Variants in AKIRIN2 observed in about 807,000 individuals in gnomAD.
AKIRIN2 encodes the protein akirin 2.
A neutral mutation model predicts 29.3 loss-of-function variants in AKIRIN2; 6 were observed. The observed-to-expected ratio is 0.20, with a 90% CI of 0.11 to 0.40. The LOEUF is 0.40. AKIRIN2 is among the 10% of genes least tolerant of loss of function. The pLI, the probability that AKIRIN2 is intolerant of heterozygous loss-of-function variation, is 1.00. For missense variants in AKIRIN2, 210 were observed against 276.1 expected (o/e 0.76, Z 1.70); for synonymous variants, 128 against 117.5 (o/e 1.09, Z -0.58).
At chr6:87,697,085 G>A (rs904071915) in intron 1 of AKIRIN2, among the ~76,000 whole-genome samples, 3 of 151,150 alleles carry the variant, frequency 2.0e-5, no homozygotes, top group African/African-American at 4.9e-5. Flanking sequence ...AAGGCAGTTG[G>A]ACCACCTGAA....
At chr6:87,681,833 A>G in intron 1 of AKIRIN2, 70 bp from the exon 2 acceptor site, 1 of 1,315,256 alleles carries the variant, frequency 7.6e-7, no homozygotes. Context: ...GCTTTCCAAC[A>G]TTATTTAGTA....
At chr6:87,698,270 C>T (rs904472110) in intron 1 of AKIRIN2, among the ~76,000 whole-genome samples, 3 of 151,668 alleles carry the variant, frequency 2.0e-5, no homozygotes, top group African/African-American at 7.3e-5. Flanking sequence ...GGTAAGCAAA[C>T]TTTTTCTGTA....
intron 1 of AKIRIN2, among the ~76,000 whole-genome samples, chr6:87,691,768 G>C (rs1031104910): frequency 1.3e-5 from 2 of 152,184 alleles, no homozygotes; most frequent in African/African-American, 4.8e-5. Flanking sequence ...TCAAATAAGA[G>C]GAGGACTGAT....
intron 1 of AKIRIN2, among the ~76,000 whole-genome samples, chr6:87,698,898 A>G (rs1026234409): frequency 3.3e-5 from 5 of 152,254 alleles, no homozygotes; most frequent in Middle Eastern, 3.2e-3. Flanking sequence ...GACTTCAGCT[A>G]TGCCATCAGA....
intron 1 of AKIRIN2, among the ~76,000 whole-genome samples, chr6:87,691,615 AG>A (rs1219193267): frequency 6.6e-6 from 1 of 152,254 alleles, no homozygotes; most frequent in Non-Finnish European, 1.5e-5. Flanking sequence ...ATGGAGCTAA[AG>A]CTAGAACTAA....
At position 87,679,116 on chromosome 6, in the gene AKIRIN2, C is replaced by CT. The variant is rs1241873096; in HGVS notation, c.380-1150_380-1149insA. On this transcript the variant is annotated intron_variant, in intron 2 of 4. Transcript: ENST00000257787. ...TGCCGTTGCACTCCAGCCTAGGCAACAAGAGTGAAACTTCATCTCAGAAAA... is the reference window on the plus strand; with the variant it reads ...TGCCGTTGCACTCCAGCCTAGGCAACTAAGAGTGAAACTTCATCTCAGAAAA... Among the ~76,000 whole-genome samples, 13 of 101,532 alleles carry CT rather than the reference C, an allele frequency of 1.3e-4. No individual in the cohort carries two copies. In the East Asian group the frequency reaches 3.4e-3, roughly 27 times the overall value. 66.6% of individuals were successfully genotyped at this position (101,532 alleles called of 152,430 possible).
intron 2 of AKIRIN2, among the ~76,000 whole-genome samples, chr6:87,681,077 G>A (rs193276162): frequency 6.6e-5 from 10 of 151,794 alleles, no homozygotes; most frequent in Admixed American, 5.9e-4. Context: ...TCACTCTGTC[G>A]CCCAAGCTGG....
chr6:87,678,711 A>C (rs1260844156), intron 2 of AKIRIN2, among the ~76,000 whole-genome samples: 1 of 152,180 alleles, frequency 6.6e-6, no homozygotes, highest in Non-Finnish European at 1.5e-5. Context: ...CAGAATAACA[A>C]ATCATTATGC....
chr6:87,697,813 A>G (rs1421252571), intron 1 of AKIRIN2, among the ~76,000 whole-genome samples: 1 of 152,270 alleles, frequency 6.6e-6, no homozygotes, highest in African/African-American at 2.4e-5. Flanking sequence ...AACTCTTCAC[A>G]GAATTCAATT....
At chr6:87,682,650 A>G (rs1247546814) in intron 1 of AKIRIN2, among the ~76,000 whole-genome samples, 2 of 152,226 alleles carry the variant, frequency 1.3e-5, no homozygotes, top group South Asian at 2.1e-4. Flanking sequence ...CAGGTTATCA[A>G]TGTGAAACTA....
chr6:87,699,722 T>C (rs1282953821), intron 1 of AKIRIN2, among the ~76,000 whole-genome samples: 3 of 152,212 alleles, frequency 2.0e-5, no homozygotes, highest in Non-Finnish European at 4.4e-5. Context: ...AAAAGTCGTT[T>C]ACAAAGGATC....
chr6:87,698,955 A>T (rs1341568132), intron 1 of AKIRIN2, among the ~76,000 whole-genome samples: 1 of 152,160 alleles, frequency 6.6e-6, no homozygotes, highest in Non-Finnish European at 1.5e-5. Context: ...AAGTGTATAC[A>T]TGCTCTGAAA....
intron 1 of AKIRIN2, among the ~76,000 whole-genome samples, chr6:87,699,647 A>G (rs1038086038): frequency 6.6e-6 from 1 of 152,206 alleles, no homozygotes; most frequent in Non-Finnish European, 1.5e-5. Flanking sequence ...ACAACAGTCC[A>G]ATTAATTTAA....
chr6:87,687,891 G>A (rs929711025), intron 1 of AKIRIN2, among the ~76,000 whole-genome samples: 1 of 152,176 alleles, frequency 6.6e-6, no homozygotes, highest in Non-Finnish European at 1.5e-5. Flanking sequence ...CTCATGCAAG[G>A]CCGAGGCAGG....
At position 87,681,804 on chromosome 6, in the gene AKIRIN2, C is replaced by G. The variant is rs749153357; in HGVS notation, c.236-41G>C. On this transcript the variant is annotated intron_variant, in intron 1 of 4. Coordinates refer to ENST00000257787, the MANE Select transcript of AKIRIN2 (RefSeq NM_018064.4). ...TAAAATTTGGCAAGATAAAAACTTTCACATTAAAAAAGAGGTTGGCTTTCC... is the reference window on the plus strand; with the variant it reads ...TAAAATTTGGCAAGATAAAAACTTTGACATTAAAAAAGAGGTTGGCTTTCC... 7 of 1,484,114 alleles carry G rather than the reference C, an allele frequency of 4.7e-6. No individual in the cohort carries two copies. The African/African-American group carries it at 5.7e-5, about 12-fold the overall frequency. 91.9% of individuals were successfully genotyped at this position (1,484,114 alleles called of 1,614,324 possible).
chr6:87,693,116 C>G (rs1484893013), intron 1 of AKIRIN2, among the ~76,000 whole-genome samples: 1 of 151,994 alleles, frequency 6.6e-6, no homozygotes, highest in Non-Finnish European at 1.5e-5. Context: ...GTGGTCCCAG[C>G]TACTCGGGAG....
intron 1 of AKIRIN2, among the ~76,000 whole-genome samples, chr6:87,684,739 T>G (rs921832194): frequency 1.3e-5 from 2 of 152,240 alleles, no homozygotes; most frequent in Non-Finnish European, 2.9e-5. Flanking sequence ...TTCCATCATA[T>G]GTATGTATAT....
intron 2 of AKIRIN2, among the ~76,000 whole-genome samples, chr6:87,679,062 G>A (rs1014925789): frequency 6.6e-6 from 1 of 150,552 alleles, no homozygotes; most frequent in Admixed American, 6.6e-5. Context: ...TTGAACACAG[G>A]AGGCGGAGGT....
rs1243878168 is a variant in AKIRIN2 at position 87,702,216 on chromosome 6, C to A, written c.-532G>T. On this transcript the variant is annotated 5_prime_UTR_variant, in exon 1 of 5. Coordinates refer to ENST00000257787, the MANE Select transcript of AKIRIN2 (RefSeq NM_018064.4). ...CAAGCGAACACGTCCAACCGCTTCC[C>A]CTCCCTCGTAGAACTCTCCCACCCG... The A allele has an allele frequency of 7.5e-6, 3 of 397,422 alleles. No individual in the cohort carries two copies. The highest frequency in any genetic ancestry group is 1.3e-5 in the Non-Finnish European group (3 of 225,730). The allele number at this position is 397,422 out of a possible 1,614,324, so 24.6% of individuals were successfully genotyped here.
Sources: allele counts gnomAD v4.1 joint callset (sites outside exome capture counted in the v4.1 genomes callset), GRCh38; gene constraint gnomAD v4.1.1; transcripts MANE v1.5; gene names NCBI Gene and HGNC (gene_info 2026-07-23, HGNC 2026-07-21).